The following CEP112 variants were observed in gnomAD, a reference collection of about 807,000 sequenced individuals.
The protein encoded by CEP112 is centrosomal protein 112.
A neutral mutation model predicts 153.0 loss-of-function variants in CEP112; 127 were observed. That is an observed-to-expected ratio of 0.83 (90% CI 0.72 to 0.96). The LOEUF (loss-of-function observed/expected upper bound fraction) is 0.96. CEP112 is among the 40% of genes least tolerant of loss of function. The probability of loss-of-function intolerance (pLI) is 0.00; values close to 1 mark genes in which losing one functional copy is unlikely to be tolerated. For synonymous variants in CEP112, 358 were observed against 374.4 expected, an observed-to-expected ratio of 0.96 and a Z score of 0.51; for missense variants, 1,089 against 1,101.2, an observed-to-expected ratio of 0.99 and a Z score of 0.16.
At chr17:65,790,717 T>C (rs2054544040) in intron 21 of CEP112, among the ~76,000 whole-genome samples, 1 of 152,224 alleles carries the variant, frequency 6.6e-6, no homozygotes, top group Non-Finnish European at 1.5e-5. Flanking sequence ...TCTAACATAG[T>C]GGCTCCCACC....
At chr17:65,770,991 T>C (rs374190633) in intron 21 of CEP112, among the ~76,000 whole-genome samples, 15 of 140,002 alleles carry the variant, frequency 1.1e-4, no homozygotes, top group African/African-American at 3.8e-4. Context: ...GAAACAAATA[T>C]AAAAGAAATA....
intron 21 of CEP112, among the ~76,000 whole-genome samples, chr17:65,770,828 G>A (rs1290266910): frequency 6.6e-6 from 1 of 150,790 alleles, no homozygotes; most frequent in South Asian, 2.1e-4. Context: ...CAGTGAAGAG[G>A]TATAGCTAAT....
At position 66,184,065 on chromosome 17, in the gene CEP112, T is replaced by C. The variant is rs528612267; in HGVS notation, c.-8-758A>G. On this transcript the variant is annotated intron_variant, in intron 1 of 26. Transcript: ENST00000535342. ...GGAGTTAAAGACCACCCTGGGCAAT[T>C]TGGTGAGACCCCATCTCTACAAAAC... is the stretch of plus-strand genomic sequence containing the variant. 3.3e-5 allele frequency among the ~76,000 whole-genome samples: 5 copies of C among 152,028 alleles called. No homozygotes were observed. The East Asian group carries it at 5.8e-4, about 18-fold the overall frequency.
intron 20 of CEP112, among the ~76,000 whole-genome samples, chr17:65,890,999 T>G (rs1237582019): frequency 6.6e-6 from 1 of 152,176 alleles, no homozygotes; most frequent in African/African-American, 2.4e-5. Flanking sequence ...TATTCTCCAT[T>G]TATGACAGAT....
At chr17:66,014,178 C>T (rs1322196243) in intron 16 of CEP112, among the ~76,000 whole-genome samples, 1 of 152,170 alleles carries the variant, frequency 6.6e-6, no homozygotes, top group Admixed American at 6.5e-5. Flanking sequence ...GCTGGTAAAG[C>T]AGCATGGGGG....
intron 4 of CEP112, among the ~76,000 whole-genome samples, chr17:66,156,244 G>C (rs1034967564): frequency 6.6e-6 from 1 of 152,122 alleles, no homozygotes; most frequent in Non-Finnish European, 1.5e-5. Flanking sequence ...AGGCAAACAG[G>C]GTCTGAAGTG....
At chr17:65,751,123 TTAAAAAAA>T (rs370820429) in intron 21 of CEP112, 186 of 164,586 alleles carry the variant, frequency 1.1e-3, no homozygotes, top group African/African-American at 4.2e-3. Context: ...TTCACCTTAA[TTAAAAAAA>T]TAAAAGGAAT....
intron 4 of CEP112, among the ~76,000 whole-genome samples, chr17:66,153,911 C>G (rs1440014439): frequency 6.6e-6 from 1 of 151,634 alleles, no homozygotes; most frequent in African/African-American, 2.4e-5. Flanking sequence ...ACCTGTAATC[C>G]CAGTACTTTG....
At chr17:65,915,776 A>C (rs1297885901) in intron 19 of CEP112, among the ~76,000 whole-genome samples, 1 of 139,588 alleles carries the variant, frequency 7.2e-6, no homozygotes, top group African/African-American at 2.7e-5. Context: ...TGACAGAGTG[A>C]GACTCAAACT....
At chr17:66,169,282 C>CTT (rs538896272) in intron 4 of CEP112, among the ~76,000 whole-genome samples, 7,458 of 120,894 alleles carry the variant, frequency 0.062, 361 homozygotes, top group African/African-American at 0.078. Flanking sequence ...TTAATTTCTT[C>CTT]TTTTTTTTTT....
Position 65,810,163 on chromosome 17 carries a change from A to T in CEP112, c.2394+41641T>A, listed in dbSNP as rs142282837. ...TAAGGCAGTAGAATAATTAAGTATTAATAGAAAGACCTTTTGAAGACTCTG... is the reference window on the plus strand; with the variant it reads ...TAAGGCAGTAGAATAATTAAGTATTTATAGAAAGACCTTTTGAAGACTCTG... On this transcript the variant is annotated intron_variant, in intron 21 of 26. Transcript: ENST00000535342. 1.6e-3 allele frequency among the ~76,000 whole-genome samples: 239 copies of T among 152,344 alleles called. 1 individual carries two copies. The South Asian group carries it at 0.018, about 12-fold the overall frequency.
At chr17:65,670,163 T>TTGG in intron 24 of CEP112, among the ~76,000 whole-genome samples, 1 of 151,352 alleles carries the variant, frequency 6.6e-6, no homozygotes, top group South Asian at 2.1e-4. Flanking sequence ...TTTTTTTGTT[T>TTGG]TTGTTGTTGT....
intron 21 of CEP112, among the ~76,000 whole-genome samples, chr17:65,827,372 A>G (rs1568077841): frequency 6.6e-6 from 1 of 152,212 alleles, no homozygotes; most frequent in African/African-American, 2.4e-5. Flanking sequence ...TCTATGGCTT[A>G]CTTTCTGGCT....
chr17:66,005,391 C>T (rs2064229901), intron 17 of CEP112, among the ~76,000 whole-genome samples: 1 of 152,118 alleles, frequency 6.6e-6, no homozygotes, highest in African/African-American at 2.4e-5. Flanking sequence ...GTCCTAAGAC[C>T]TAAATCTCAT....
At chr17:66,076,498 C>CA (rs2067503551) in intron 8 of CEP112, among the ~76,000 whole-genome samples, 1 of 152,102 alleles carries the variant, frequency 6.6e-6, no homozygotes, top group Non-Finnish European at 1.5e-5. Flanking sequence ...CCTAGGTACA[C>CA]AACTCCATTG....
At chr17:65,837,559 C>T (rs1410966087) in intron 21 of CEP112, among the ~76,000 whole-genome samples, 2 of 152,222 alleles carry the variant, frequency 1.3e-5, no homozygotes, top group African/African-American at 4.8e-5. Context: ...AGGAGCCCCT[C>T]TGCCCGGCTG....
At chr17:65,788,472 G>A (rs746703979) in intron 21 of CEP112, among the ~76,000 whole-genome samples, 15 of 152,044 alleles carry the variant, frequency 9.9e-5, no homozygotes, top group South Asian at 2.1e-4. Flanking sequence ...TATTATTGGA[G>A]TTTTCTGTTC....
chr17:66,045,226 C>T (rs376564567), intron 12 of CEP112, among the ~76,000 whole-genome samples: 5 of 151,906 alleles, frequency 3.3e-5, no homozygotes, highest in South Asian at 2.1e-4. Flanking sequence ...TGCACTACCA[C>T]GCCCGGCTAA....
chr17:65,678,024 A>G (rs974485626), intron 24 of CEP112, among the ~76,000 whole-genome samples: 2 of 145,082 alleles, frequency 1.4e-5, no homozygotes, highest in Non-Finnish European at 3.1e-5. Context: ...AAAGGGCTGG[A>G]CTATAGTAAA....
Sources: gnomAD v4.1 joint callset for allele counts (sites outside exome capture counted in the v4.1 genomes callset) on GRCh38, gnomAD v4.1.1 for gene constraint, MANE v1.5 for transcripts, NCBI Gene and HGNC (gene_info 2026-07-23, HGNC 2026-07-21) for gene names.